BRINP3: variants seen among roughly 807,000 people sequenced by gnomAD.
The protein encoded by BRINP3 is BMP/retinoic acid-inducible neural-specific protein 3.
In BRINP3, 19 loss-of-function variants were observed where a neutral mutation model predicts 71.0. The observed-to-expected ratio is 0.27, with a 90% CI of 0.19 to 0.39. BRINP3 has a LOEUF of 0.39. Among genes scored for constraint, BRINP3 ranks in the 10% least tolerant of loss-of-function variants. BRINP3 has a pLI of 1.00. For missense variants in BRINP3, 959 were observed against 940.8 expected, an observed-to-expected ratio of 1.02 and a Z score of -0.25; for synonymous variants, 380 against 337.7, an observed-to-expected ratio of 1.13 and a Z score of -1.37.
intron 7 of BRINP3, among the ~76,000 whole-genome samples, chr1:190,113,855 T>C (rs554616053): frequency 2.6e-5 from 4 of 152,304 alleles, no homozygotes; most frequent in Non-Finnish European, 4.4e-5. Context: ...TATTAACTTC[T>C]TTTGGAATAC....
In BRINP3 at chr1:190,428,321, T is replaced by C. The variant is rs118154577; in HGVS notation, c.236+26334A>G. Among the ~76,000 whole-genome samples the C allele has an allele frequency of 3.2e-3, 483 of 152,168 alleles. 26 individuals carry two copies. The East Asian group carries it at 0.08, about 25-fold the overall frequency. ...AGCAACAATAGAAAACTAATTTGTC[T>C]ATTGATACTAAAATATACTATGAAT... On this transcript the variant is annotated intron_variant, in intron 2 of 7. Transcript: ENST00000367462.
chr1:190,375,785 G>C (rs1349792177), intron 2 of BRINP3, among the ~76,000 whole-genome samples: 1 of 151,736 alleles, frequency 6.6e-6, no homozygotes, highest in African/African-American at 2.4e-5. Flanking sequence ...ATTTCAAAAA[G>C]GCCCTCTGAT....
chr1:190,250,196 G>T (rs1472204027), intron 4 of BRINP3, among the ~76,000 whole-genome samples: 1 of 151,784 alleles, frequency 6.6e-6, no homozygotes, highest in Non-Finnish European at 1.5e-5. Context: ...TAAAACTTGA[G>T]CTCCTCTTAA....
At chr1:190,402,335 A>C (rs1285630432) in intron 2 of BRINP3, among the ~76,000 whole-genome samples, 1 of 152,180 alleles carries the variant, frequency 6.6e-6, no homozygotes, top group Non-Finnish European at 1.5e-5. Flanking sequence ...ATATGCAATT[A>C]ATATATTCAT....
rs531769327 is a variant in BRINP3, at chr1:190,151,513, AAAG to A, written c.1184+9152_1184+9154del. 3.5e-3 allele frequency among the ~76,000 whole-genome samples: 535 copies of A among 152,320 alleles called. 4 individuals are homozygous for A. Among genetic ancestry groups the A allele is most frequent in the African/African-American group, 0.012 (507 of 41,582 alleles). ...TATGTAAGTTCATGTATCAATATCA[AAAG>A]AAGAGTCTCACTTAAAGTAACTCTC... On this transcript the variant is annotated intron_variant, in intron 7 of 7. Transcript: ENST00000367462.
chr1:190,271,850 T>C (rs1662139912), intron 3 of BRINP3, among the ~76,000 whole-genome samples: 1 of 151,634 alleles, frequency 6.6e-6, no homozygotes, highest in Admixed American at 6.6e-5. Context: ...TGCTCATTAT[T>C]AAACAGTGAA....
At chr1:190,233,828 T>C (rs1658243877) in intron 5 of BRINP3, among the ~76,000 whole-genome samples, 1 of 152,170 alleles carries the variant, frequency 6.6e-6, no homozygotes, top group African/African-American at 2.4e-5. Flanking sequence ...ATCTAAACTA[T>C]GTAGTAATAG....
chr1:190,298,092 A>C (rs1446271274), intron 2 of BRINP3, among the ~76,000 whole-genome samples: 6 of 152,066 alleles, frequency 3.9e-5, no homozygotes, highest in Non-Finnish European at 7.4e-5. Flanking sequence ...TGGTCAGCTT[A>C]ATATGAGTTG....
intron 2 of BRINP3, among the ~76,000 whole-genome samples, chr1:190,447,247 T>A (rs762288297): frequency 6.7e-6 from 1 of 149,436 alleles, no homozygotes; most frequent in African/African-American, 2.4e-5. Context: ...CTAGTATGGA[T>A]TGATAGATAG....
intron 4 of BRINP3, among the ~76,000 whole-genome samples, chr1:190,251,816 A>C (rs1421571225): frequency 6.6e-6 from 1 of 151,596 alleles, no homozygotes; most frequent in Non-Finnish European, 1.5e-5. Context: ...AAAAAAAAAA[A>C]CATAAAGAGA....
chr1:190,381,463 A>G (rs1411586439), intron 2 of BRINP3, among the ~76,000 whole-genome samples: 1 of 152,118 alleles, frequency 6.6e-6, no homozygotes, highest in Non-Finnish European at 1.5e-5. Flanking sequence ...CTCATTCACT[A>G]TTGTAAAGGG....
At chr1:190,266,692 G>A (rs1661691877) in intron 3 of BRINP3, among the ~76,000 whole-genome samples, 2 of 152,240 alleles carry the variant, frequency 1.3e-5, no homozygotes, top group Non-Finnish European at 2.9e-5. Flanking sequence ...ATCTCAGAAT[G>A]ACCAATGAAT....
chr1:190,238,297 CTTA>C (rs995039089), intron 4 of BRINP3, among the ~76,000 whole-genome samples: 2 of 151,684 alleles, frequency 1.3e-5, no homozygotes, highest in African/African-American at 2.4e-5. Flanking sequence ...AGAATTGATA[CTTA>C]TTATTAAAAT....
At chr1:190,413,171 G>A (rs1571987755) in intron 2 of BRINP3, among the ~76,000 whole-genome samples, 2 of 152,128 alleles carry the variant, frequency 1.3e-5, no homozygotes, top group African/African-American at 2.4e-5. Flanking sequence ...GCATGTGTGT[G>A]TCTGTGTGTG....
intron 6 of BRINP3, 71 bp from the exon 7 acceptor site, chr1:190,160,961 C>A: frequency 9.3e-7 from 1 of 1,075,292 alleles, no homozygotes; most frequent in South Asian, 1.5e-5. Flanking sequence ...ACACGTATGT[C>A]AATATTAAGA....
At chr1:190,327,799 G>C (rs1666712109) in intron 2 of BRINP3, among the ~76,000 whole-genome samples, 1 of 152,038 alleles carries the variant, frequency 6.6e-6, no homozygotes, top group Admixed American at 6.6e-5. Flanking sequence ...TTTAGCAACT[G>C]GATCTAATAG....
chr1:190,447,009 T>C (rs1317928571), intron 2 of BRINP3, among the ~76,000 whole-genome samples: 1 of 151,896 alleles, frequency 6.6e-6, no homozygotes, highest in Non-Finnish European at 1.5e-5. Context: ...AAAAGTTCTG[T>C]CTTCCATGTA....
At chr1:190,276,114 A>C (rs1347953859) in intron 3 of BRINP3, among the ~76,000 whole-genome samples, 2 of 151,666 alleles carry the variant, frequency 1.3e-5, no homozygotes, top group East Asian at 1.9e-4. Flanking sequence ...TAGGATAGGA[A>C]TCTTCAAAAA....
chr1:190,237,109 A>T (rs765054350), intron 4 of BRINP3, among the ~76,000 whole-genome samples: 17 of 151,844 alleles, frequency 1.1e-4, no homozygotes, highest in Non-Finnish European at 2.1e-4. Flanking sequence ...ACGTTTTGAG[A>T]ATATTTGAAT....
Sources: allele counts gnomAD v4.1 joint callset (sites outside exome capture counted in the v4.1 genomes callset), GRCh38; gene constraint gnomAD v4.1.1; transcripts MANE v1.5; gene names NCBI Gene and HGNC (gene_info 2026-07-23, HGNC 2026-07-21).